Variants in TJP1 observed in about 807,000 individuals in gnomAD.
TJP1 encodes tight junction protein ZO-1.
A neutral mutation model predicts 194.2 loss-of-function variants in TJP1; 43 were observed. That is an observed-to-expected ratio of 0.22 (90% CI 0.17 to 0.29). The LOEUF is 0.29. Ranked by LOEUF, TJP1 falls within the 10% of genes least tolerant of loss-of-function variation. The probability of loss-of-function intolerance (pLI) is 1.00; values close to 1 mark genes in which losing one functional copy is unlikely to be tolerated. For missense variants in TJP1, 1,971 were observed against 2,185.7 expected (o/e 0.90, Z 1.96); for synonymous variants, 801 against 779.0 (o/e 1.03, Z -0.47).
At chr15:29,932,971 CT>C (rs2054768654) in intron 2 of TJP1, among the ~76,000 whole-genome samples, 1 of 151,924 alleles carries the variant, frequency 6.6e-6, no homozygotes, top group South Asian at 2.1e-4. Context: ...TAATGTGTAA[CT>C]ATGAATTTTG....
At chr15:29,777,356 A>G (rs545795773) in intron 2 of TJP1, among the ~76,000 whole-genome samples, 5 of 152,352 alleles carry the variant, frequency 3.3e-5, no homozygotes, top group Admixed American at 3.3e-4. Flanking sequence ...AGAAGATAAG[A>G]AATACCTTCA....
intron 2 of TJP1, among the ~76,000 whole-genome samples, chr15:29,893,924 T>A (rs2053395128): frequency 6.6e-6 from 1 of 152,188 alleles, no homozygotes; most frequent in Middle Eastern, 3.4e-3. Flanking sequence ...TGCTGAAGAG[T>A]CACAAAATCA....
intron 2 of TJP1, among the ~76,000 whole-genome samples, chr15:29,904,377 T>G (rs1446729451): frequency 6.6e-6 from 1 of 152,096 alleles, no homozygotes; most frequent in East Asian, 1.9e-4. Context: ...AGTTATCAAA[T>G]TTGGCATGCA....
intron 1 of TJP1, 88 bp downstream of exon 1, chr15:29,821,914 C>T (rs2050397860): frequency 8.8e-7 from 1 of 1,133,080 alleles, no homozygotes; most frequent in East Asian, 4.3e-5. Flanking sequence ...CAGCCGCCAG[C>T]GAGGGAGGGC....
chr15:29,796,996 T>C (rs761813106), intron 2 of TJP1, among the ~76,000 whole-genome samples: 71 of 152,012 alleles, frequency 4.7e-4, no homozygotes, highest in Non-Finnish European at 9.1e-4. Flanking sequence ...CCGTATCTCA[T>C]GGCACAAACA....
chr15:29,866,484 A>T (rs1167437371), intron 2 of TJP1, among the ~76,000 whole-genome samples: 2 of 152,138 alleles, frequency 1.3e-5, no homozygotes, highest in Non-Finnish European at 2.9e-5. Flanking sequence ...AAGGATGAAA[A>T]CTCCACACTC....
chr15:29,839,618 G>A (rs1310460439), intron 2 of TJP1, among the ~76,000 whole-genome samples: 1 of 152,082 alleles, frequency 6.6e-6, no homozygotes, highest in Non-Finnish European at 1.5e-5. Context: ...TCCATCTTTG[G>A]TGACAGAGAG....
intron 2 of TJP1, among the ~76,000 whole-genome samples, chr15:29,895,910 T>A (rs1445690897): frequency 6.6e-6 from 1 of 152,180 alleles, no homozygotes; most frequent in Admixed American, 6.5e-5. Flanking sequence ...GTAGACCCAG[T>A]GTCTGGGGAG....
At chr15:29,945,083 A>G (rs1392764469) in intron 2 of TJP1, among the ~76,000 whole-genome samples, 1 of 152,182 alleles carries the variant, frequency 6.6e-6, no homozygotes, top group Non-Finnish European at 1.5e-5. Context: ...ATACTTGTAC[A>G]CTTGTGATCA....
At chr15:29,892,649 C>T (rs2053350130) in intron 2 of TJP1, among the ~76,000 whole-genome samples, 1 of 152,222 alleles carries the variant, frequency 6.6e-6, no homozygotes, top group Non-Finnish European at 1.5e-5. Flanking sequence ...GCTAAATCTA[C>T]TCTGCCTATA....
intron 5 of TJP1, among the ~76,000 whole-genome samples, chr15:29,765,784 A>T (rs191949530): frequency 2.6e-5 from 4 of 152,252 alleles, no homozygotes; most frequent in Admixed American, 2.6e-4. Flanking sequence ...TCCAGCTACC[A>T]GGGAGGCTGA....
Position 29,718,503 on chromosome 15 carries a change from A to G in TJP1, c.3639T>C (p.His1213=), listed in dbSNP as rs1274984525. Residue 1213 remains histidine (H), a synonymous_variant, in exon 21 of 28, where the codon CAT becomes CAC. Transcript: ENST00000614355. Reference sequence around the variant, plus strand: ...CTGCAGCACCATGGAGAGGCTCAAAATGACCTGCTCTAGAGGTAAATCCTT... The same window carrying G: ...CTGCAGCACCATGGAGAGGCTCAAAGTGACCTGCTCTAGAGGTAAATCCTT... The part of the protein sequence containing the change: ...PPQGFTSRAG[H]FEPLHGAAAV... 1 of 1,614,156 alleles carries G rather than the reference A, an allele frequency of 6.2e-7. No homozygotes were observed. Among genetic ancestry groups the G allele is most frequent in the Non-Finnish European group, 8.5e-7 (1 of 1,180,036 alleles).
chr15:29,919,310 G>T (rs1265907577), intron 2 of TJP1, among the ~76,000 whole-genome samples: 1 of 152,202 alleles, frequency 6.6e-6, no homozygotes, highest in African/African-American at 2.4e-5. Context: ...TTAGGTTGGT[G>T]GGCACAAGGG....
At chr15:29,818,880 C>G (rs926540273) in intron 1 of TJP1, among the ~76,000 whole-genome samples, 1 of 151,942 alleles carries the variant, frequency 6.6e-6, no homozygotes, top group Non-Finnish European at 1.5e-5. Context: ...GCAGTGGCCC[C>G]GATCTCAGCT....
At chr15:29,896,132 G>T (rs1596205634) in intron 2 of TJP1, among the ~76,000 whole-genome samples, 1 of 152,290 alleles carries the variant, frequency 6.6e-6, no homozygotes, top group Non-Finnish European at 1.5e-5. Context: ...GAGCACAAAT[G>T]ATATGGTTTG....
chr15:29,768,602 A>G (rs2046461930), intron 4 of TJP1, among the ~76,000 whole-genome samples: 1 of 152,124 alleles, frequency 6.6e-6, no homozygotes, highest in South Asian at 2.1e-4. Context: ...ATCAGTATGT[A>G]TACCTATCCA....
chr15:29,728,012 T>G lies in TJP1; in HGVS notation c.2025A>C (p.Glu675Asp). ...GTTGGTCAGTTCCAGCGTCTCGTGGTTCACTCTCTATTCATTATGTCAGGA... is the reference window on the plus strand; with the variant it reads ...GTTGGTCAGTTCCAGCGTCTCGTGGGTCACTCTCTATTCATTATGTCAGGA... ...EPDIYQIAKS[E>D]PRDAGTDQRS... The change falls in exon 16 of 28, where the codon GAA (glutamate) becomes GAC (aspartate). Residue 675 changes from glutamate (E) to aspartate (D), a missense_variant. Physicochemically the swap from Glu to Asp is conservative, Grantham distance 45. Around this residue, in one of 5 missense-constraint regions of TJP1, gnomAD observed 402 missense variants for 484.2 expected, o/e 0.83. Coordinates refer to ENST00000614355, the MANE Select transcript of TJP1 (RefSeq NM_001330239.4). 1 of 1,614,016 alleles carries G rather than the reference T, an allele frequency of 6.2e-7. No homozygotes were observed. Among genetic ancestry groups the G allele is most frequent in the Non-Finnish European group, 8.5e-7 (1 of 1,179,914 alleles).
At chr15:29,936,051 C>A (rs1207391525) in intron 2 of TJP1, among the ~76,000 whole-genome samples, 2 of 152,092 alleles carry the variant, frequency 1.3e-5, no homozygotes, top group Non-Finnish European at 2.9e-5. Context: ...AATCTCAATG[C>A]CCACTCAGGG....
chr15:29,948,264 A>C (rs549345136), intron 2 of TJP1, among the ~76,000 whole-genome samples: 2,297 of 151,198 alleles, frequency 0.015, 63 homozygotes, highest in African/African-American at 0.052. Flanking sequence ...CCATCACAAA[A>C]AAAAAAAAAA....
Sources: gnomAD v4.1 joint callset for allele counts (sites outside exome capture counted in the v4.1 genomes callset) on GRCh38, gnomAD v4.1.1 for gene constraint, gnomAD v4.1.1 regional missense constraint, MANE v1.5 for transcripts, NCBI Gene and HGNC (gene_info 2026-07-23, HGNC 2026-07-21) for gene names.